Variants in KCNK3 observed in about 807,000 individuals in gnomAD.
KCNK3 encodes potassium channel subfamily K member 3.
A neutral mutation model predicts 27.3 loss-of-function variants in KCNK3; 9 were observed. The observed-to-expected ratio is 0.33, with a 90% confidence interval of 0.20 to 0.57. KCNK3 has a LOEUF of 0.57. Among genes scored for constraint, KCNK3 ranks in the 20% least tolerant of loss-of-function variants. KCNK3 has a pLI of 0.87. For missense variants in KCNK3, 391 were observed against 577.7 expected (o/e 0.68, Z 3.31); for synonymous variants, 278 against 273.8 (o/e 1.02, Z -0.15).
chr2:26,718,302 A>C (rs1267434600), intron 1 of KCNK3, among the ~76,000 whole-genome samples: 1 of 152,074 alleles, frequency 6.6e-6, no homozygotes, highest in Non-Finnish European at 1.5e-5. Flanking sequence ...CATTGCCTTA[A>C]AACGAAGACT....
At chr2:26,694,261 G>A (rs954284107) in intron 1 of KCNK3, among the ~76,000 whole-genome samples, 4 of 152,144 alleles carry the variant, frequency 2.6e-5, no homozygotes, top group Non-Finnish European at 5.9e-5. Flanking sequence ...ATTCTGAGAT[G>A]AAACCCACCT....
intron 1 of KCNK3, among the ~76,000 whole-genome samples, chr2:26,713,552 G>T (rs1427899835): frequency 1.3e-5 from 2 of 152,152 alleles, no homozygotes; most frequent in African/African-American, 4.8e-5. Flanking sequence ...AGCCGAGGCG[G>T]GCGGATCCCC....
intron 1 of KCNK3, among the ~76,000 whole-genome samples, chr2:26,706,216 C>A (rs1200161493): frequency 1.3e-5 from 2 of 152,158 alleles, no homozygotes; most frequent in African/African-American, 4.8e-5. Context: ...CATCCTCGAG[C>A]CAAAGCTCCT....
intron 1 of KCNK3, among the ~76,000 whole-genome samples, chr2:26,719,930 G>C (rs1422179033): frequency 3.9e-5 from 6 of 152,220 alleles, no homozygotes; most frequent in Admixed American, 2.6e-4. Flanking sequence ...CCTTGGGCTA[G>C]TCCCTGCTCC....
chr2:26,717,608 C>A (rs1027280291), intron 1 of KCNK3, among the ~76,000 whole-genome samples: 13 of 152,256 alleles, frequency 8.5e-5, no homozygotes, highest in African/African-American at 2.7e-4. Context: ...CAGATCCAAT[C>A]TGTTAGAAGC....
intron 1 of KCNK3, among the ~76,000 whole-genome samples, chr2:26,713,595 C>T (rs1242752031): frequency 1.3e-5 from 2 of 152,030 alleles, no homozygotes; most frequent in African/African-American, 2.4e-5. Context: ...GCCTGGCCAA[C>T]ATGGTGAAAC....
chr2:26,699,910 G>A (rs1373057680), intron 1 of KCNK3, among the ~76,000 whole-genome samples: 1 of 152,216 alleles, frequency 6.6e-6, no homozygotes, highest in Non-Finnish European at 1.5e-5. Flanking sequence ...CTTGCACCCA[G>A]GTCTGTAGGG....
chr2:26,720,075 C>T (rs2148266690), intron 1 of KCNK3, among the ~76,000 whole-genome samples: 1 of 152,258 alleles, frequency 6.6e-6, no homozygotes, highest in South Asian at 2.1e-4. Context: ...CCAGCCTGGC[C>T]AATGTGGTGC....
intron 1 of KCNK3, among the ~76,000 whole-genome samples, chr2:26,702,204 C>T (rs1670316350): frequency 6.6e-6 from 1 of 152,130 alleles, no homozygotes; most frequent in African/African-American, 2.4e-5. Context: ...CTCACTGTGT[C>T]CTCACATCCT....
intron 1 of KCNK3, among the ~76,000 whole-genome samples, chr2:26,725,168 G>T (rs1432428082): frequency 6.6e-6 from 1 of 152,192 alleles, no homozygotes; most frequent in Non-Finnish European, 1.5e-5. Context: ...GTATGTGTCT[G>T]CCTGACCCCA....
At chr2:26,718,221 G>T (rs1388576030) in intron 1 of KCNK3, among the ~76,000 whole-genome samples, 1 of 152,116 alleles carries the variant, frequency 6.6e-6, no homozygotes, top group Admixed American at 6.5e-5. Flanking sequence ...CCTGCCCAGG[G>T]TTGCCAGGCA....
intron 1 of KCNK3, chr2:26,724,673 C>T (rs138852725): frequency 0.021 from 20,340 of 949,306 alleles, 249 homozygotes; most frequent in Middle Eastern, 0.058. Flanking sequence ...CTGGACAGGG[C>T]AGTGGCTGTG....
chr2:26,698,027 C>T (rs1255053519), intron 1 of KCNK3, among the ~76,000 whole-genome samples: 2 of 152,214 alleles, frequency 1.3e-5, no homozygotes, highest in Non-Finnish European at 2.9e-5. Flanking sequence ...TCCACACTCA[C>T]ACAGGGAGTT....
At chr2:26,723,803 A>G (rs1389442028) in intron 1 of KCNK3, among the ~76,000 whole-genome samples, 1 of 152,196 alleles carries the variant, frequency 6.6e-6, no homozygotes, top group Non-Finnish European at 1.5e-5. Flanking sequence ...AGGAGGCGGT[A>G]TGGATAGTCC....
chr2:26,725,137 G>A (rs1216183091), intron 1 of KCNK3, among the ~76,000 whole-genome samples: 1 of 152,100 alleles, frequency 6.6e-6, no homozygotes, highest in Non-Finnish European at 1.5e-5. Context: ...GGCAGAGAGG[G>A]GGTGAGGGCC....
intron 1 of KCNK3, among the ~76,000 whole-genome samples, chr2:26,707,932 C>G (rs1486513587): frequency 6.6e-6 from 1 of 152,168 alleles, no homozygotes; most frequent in South Asian, 2.1e-4. Context: ...CCTCAGGCAC[C>G]CACGCAGTCA....
chr2:26,724,733 T>C (rs1052194528), intron 1 of KCNK3, among the ~76,000 whole-genome samples: 2 of 152,164 alleles, frequency 1.3e-5, no homozygotes, highest in African/African-American at 4.8e-5. Flanking sequence ...TAAGCCTGGA[T>C]GTGTCATTTG....
chr2:26,701,760 T>A (rs1420624912), intron 1 of KCNK3, among the ~76,000 whole-genome samples: 2 of 152,176 alleles, frequency 1.3e-5, no homozygotes, highest in African/African-American at 4.8e-5. Flanking sequence ...GCCAACATGG[T>A]GAAACCCTGT....
chr2:26,719,897 G>C (rs1663296352), intron 1 of KCNK3, among the ~76,000 whole-genome samples: 1 of 152,194 alleles, frequency 6.6e-6, no homozygotes, highest in South Asian at 2.1e-4. Context: ...TCCAGTCCTA[G>C]CTGTGTCACT....
Sources: allele counts gnomAD v4.1 joint callset (sites outside exome capture counted in the v4.1 genomes callset), GRCh38; gene constraint gnomAD v4.1.1; transcripts MANE v1.5; gene names NCBI Gene and HGNC (gene_info 2026-07-23, HGNC 2026-07-21).